Variants in MRPL47 observed in about 807,000 individuals in gnomAD.
The protein encoded by MRPL47 is large ribosomal subunit protein uL29m.
A neutral mutation model predicts 34.0 loss-of-function variants in MRPL47; 31 were observed. The observed-to-expected ratio is 0.91, with a 90% CI of 0.68 to 1.23. The LOEUF (loss-of-function observed/expected upper bound fraction) is 1.23. Among genes scored for constraint, MRPL47 ranks in the 50% most tolerant of loss-of-function variants. The pLI is 0.00. For missense variants in MRPL47, 328 were observed against 285.8 expected (o/e 1.15, Z -1.07); for synonymous variants, 106 against 101.6 (o/e 1.04, Z -0.26).
At position 179,604,409 on chromosome 3, in the gene MRPL47, G is replaced by A. The variant is rs1719008966; in HGVS notation, c.98+118C>T. Reference sequence around the variant, plus strand: ...TCACTCCTCACCAAAGTGGGCTCCGGCTCTGCCATCCAGGCGGCCGTTCCA... The same window carrying A: ...TCACTCCTCACCAAAGTGGGCTCCGACTCTGCCATCCAGGCGGCCGTTCCA... On this transcript the variant is annotated intron_variant, in intron 1 of 6. Coordinates refer to ENST00000476781, the MANE Select transcript of MRPL47 (RefSeq NM_020409.3). 4 of 932,298 alleles carry A rather than the reference G, an allele frequency of 4.3e-6. No individual in the cohort carries two copies. The East Asian group carries it at 1.0e-4, about 23-fold the overall frequency. The allele number at this position is 932,298 out of a possible 1,614,324, so 57.8% of individuals were successfully genotyped here.
intron 2 of MRPL47, among the ~76,000 whole-genome samples, chr3:179,602,221 G>A (rs1718942664): frequency 6.6e-6 from 1 of 152,140 alleles, no homozygotes; most frequent in African/African-American, 2.4e-5. Flanking sequence ...GCACGTGCCT[G>A]TAATCCCAGC....
Position 179,588,877 on chromosome 3 carries a change from C to CGTCT in MRPL47, c.747_748insAGAC (p.Val250ArgfsTer9), listed in dbSNP as rs1179109174. ...AATTTAATAGTTCAGACATCTTAGA[C>CGTCT]AAGACTTGACTTTTGGGCTTCAGCA... On this transcript the variant is annotated frameshift_variant, in exon 7 of 7. Transcript: ENST00000476781. LOFTEE classifies it high-confidence loss of function. 1.2e-6 allele frequency: 2 copies of CGTCT among 1,612,972 alleles called. No individual in the cohort carries two copies. Among genetic ancestry groups the CGTCT allele is most frequent in the Non-Finnish European group, 1.7e-6 (2 of 1,179,576 alleles).
At position 179,592,640 on chromosome 3, in the gene MRPL47, T is replaced by C; in HGVS notation, c.629+4A>G. 1 of 1,576,378 alleles carries C rather than the reference T, an allele frequency of 6.3e-7. No individual in the cohort carries two copies. The highest frequency in any genetic ancestry group is 8.7e-7 in the Non-Finnish European group (1 of 1,146,000). ...TATGTTTTATTAAAGGTGCTTGTGC[T>C]CACCTGAGAAAATGGTCCACATAAG... On this transcript the variant is annotated splice_donor_region_variant and intron_variant, in intron 6 of 6. Transcript: ENST00000476781.
rs376169726 is a variant in MRPL47 at position 179,602,848 on chromosome 3, T to C, written c.99-51A>G. The stretch of plus-strand genomic sequence containing the variant: ...TAAAAGTTTTATAATATCTGGATTT[T>C]ATAAGCAATAAACATTATCATAATA... On this transcript the variant is annotated intron_variant, in intron 1 of 6. Coordinates refer to ENST00000476781, the MANE Select transcript of MRPL47 (RefSeq NM_020409.3). The C allele has an allele frequency of 6.4e-5, 87 of 1,363,502 alleles. No individual in the cohort carries two copies. The African/African-American group carries it at 8.6e-4, about 13-fold the overall frequency. The allele number at this position is 1,363,502 out of a possible 1,614,324, so 84.5% of individuals were successfully genotyped here. A position where few individuals can be genotyped will look rare whatever the true frequency, so the allele number is the denominator to read the frequency against.
chr3:179,598,158 GAGT>G (rs1201380072), intron 4 of MRPL47, among the ~76,000 whole-genome samples: 12 of 152,112 alleles, frequency 7.9e-5, no homozygotes, highest in Non-Finnish European at 1.8e-4. Flanking sequence ...AAGCCAAGGT[GAGT>G]AGGTCACTTG....
rs762120814 is a variant in MRPL47 at position 179,588,925 on chromosome 3, G to T, written c.700C>A (p.Leu234Ile). ...ENLERKKAKI[L>I]LKKFPHLAEA... ...GCAAGATGTGGAAACTTTTTTAAAA[G>T]AATTTTTGCTTTCTTTCTCTCTAAA... Residue 234 changes from leucine (L) to isoleucine (I), a missense_variant, in exon 7 of 7, where the codon CTT becomes ATT. Leu to Ile is a conservative substitution (Grantham distance 5). Coordinates refer to ENST00000476781, the MANE Select transcript of MRPL47 (RefSeq NM_020409.3). The T allele has an allele frequency of 5.0e-6, 8 of 1,613,530 alleles. 1 individual carries two copies. The highest frequency in any genetic ancestry group is 3.3e-5 in the South Asian group (3 of 91,032).
chr3:179,590,643 T>A (rs1718653145), intron 6 of MRPL47, among the ~76,000 whole-genome samples: 1 of 151,968 alleles, frequency 6.6e-6, no homozygotes, highest in African/African-American at 2.4e-5. Context: ...AGTTTAAGAT[T>A]TTGTCCTGTA....
chr3:179,598,573 A>G (rs1233342530), intron 4 of MRPL47, 102 bp downstream of exon 4: 13 of 787,348 alleles, frequency 1.7e-5, no homozygotes, highest in Non-Finnish European at 2.8e-5. Context: ...AATCAAACGA[A>G]TAAGAAAAAA....
chr3:179,601,330 C>A (rs1475097580), intron 3 of MRPL47, among the ~76,000 whole-genome samples: 1 of 152,100 alleles, frequency 6.6e-6, no homozygotes, highest in African/African-American at 2.4e-5. Context: ...TCACTTGAGC[C>A]CAGGAGGTCA....
chr3:179,588,943 T>C lies in MRPL47; in HGVS notation c.682A>G (p.Arg228Gly). 6.2e-7 allele frequency: 1 copy of C among 1,613,682 alleles called. No individual in the cohort carries two copies. Among genetic ancestry groups the C allele is most frequent in the African/African-American group, 1.3e-5 (1 of 75,032 alleles). The part of the protein sequence containing the change: ...RIKARKENLE[R>G]KKAKILLKKF... The stretch of plus-strand genomic sequence containing the variant: ...TTTAAAAGAATTTTTGCTTTCTTTC[T>C]CTCTAAATTTTCCTTCCGTGCTTTG... Residue 228 changes from arginine (R) to glycine (G), a missense_variant, in exon 7 of 7, where the codon AGA (arginine) becomes GGA (glycine). Arg to Gly is a moderately radical substitution (Grantham distance 125). Transcript: ENST00000476781.
chr3:179,594,976 T>G (rs1174889542), intron 4 of MRPL47, among the ~76,000 whole-genome samples: 1 of 152,028 alleles, frequency 6.6e-6, no homozygotes, highest in Non-Finnish European at 1.5e-5. Context: ...CAGATTATAA[T>G]CCCCCAGGTA....
In MRPL47 at chr3:179,602,894, GA is replaced by G. The variant is rs1718961745; in HGVS notation, c.99-98del. 2.9e-6 allele frequency: 3 copies of G among 1,030,196 alleles called. No individual in the cohort carries two copies. In the Admixed American group the frequency reaches 8.2e-5, roughly 28 times the overall value. The allele number at this position is 1,030,196 out of a possible 1,614,324, so 63.8% of individuals were successfully genotyped here. A position where few individuals can be genotyped will look rare whatever the true frequency, so the allele number is the denominator to read the frequency against. On this transcript the variant is annotated intron_variant, in intron 1 of 6. Transcript: ENST00000476781. ...TAATAAACATAATCATTTTGTCATC[GA>G]TAACATTTTAAAAAGCTACTCAGGG...
chr3:179,599,583 A>C (rs1718879338), intron 3 of MRPL47, among the ~76,000 whole-genome samples: 1 of 152,208 alleles, frequency 6.6e-6, no homozygotes, highest in Admixed American at 6.5e-5. Context: ...TATAAAATCC[A>C]TTCTATTTTA....
At chr3:179,592,586 T>C (rs1718700858) in intron 6 of MRPL47, 58 bp downstream of exon 6, 2 of 1,018,000 alleles carry the variant, frequency 2.0e-6, no homozygotes, top group Non-Finnish European at 3.1e-6. Context: ...GTATGATATA[T>C]GACCATATGT....
At chr3:179,598,826 T>G in intron 3 of MRPL47, 55 bp from the exon 4 acceptor site, 1 of 1,282,770 alleles carries the variant, frequency 7.8e-7, no homozygotes, top group Non-Finnish European at 1.1e-6. Flanking sequence ...GTTAATAAAG[T>G]TGTGATTTCT....
intron 1 of MRPL47, 60 bp from the exon 2 acceptor site, chr3:179,602,857 T>C (rs1445310714): frequency 5.5e-6 from 7 of 1,271,088 alleles, no homozygotes; most frequent in African/African-American, 1.5e-5. Flanking sequence ...TTATAAGCAA[T>C]AAACATTATC....
intron 2 of MRPL47, 42 bp from the exon 3 acceptor site, chr3:179,601,832 T>C (rs1356618014): frequency 1.2e-5 from 18 of 1,463,280 alleles, no homozygotes; most frequent in Non-Finnish European, 1.6e-5. Context: ...TTTCTAGCCA[T>C]GTGCCCTTTG....
intron 1 of MRPL47, among the ~76,000 whole-genome samples, 157 bp downstream of exon 1, chr3:179,604,369 CT>C (rs2108388039): frequency 6.6e-6 from 1 of 152,358 alleles, no homozygotes; most frequent in South Asian, 2.1e-4. Flanking sequence ...AGGTGAGCGA[CT>C]TCTCCAAGGT....
intron 4 of MRPL47, among the ~76,000 whole-genome samples, chr3:179,596,849 T>C (rs1718799430): frequency 6.6e-6 from 1 of 152,182 alleles, no homozygotes; most frequent in African/African-American, 2.4e-5. Flanking sequence ...TGCAGAATTT[T>C]CTTTTGCCAT....
Sources: gnomAD v4.1 joint callset for allele counts (sites outside exome capture counted in the v4.1 genomes callset) on GRCh38, gnomAD v4.1.1 for gene constraint, MANE v1.5 for transcripts, NCBI Gene and HGNC (gene_info 2026-07-23, HGNC 2026-07-21) for gene names.